Variants in DSE observed in about 807,000 individuals in gnomAD.
DSE encodes dermatan sulfate epimerase, also known as dermatan-sulfate epimerase.
DSE carries 36 observed loss-of-function variants against 84.4 expected under a neutral mutation model. The ratio of observed to expected loss-of-function variants is 0.43; its 90% CI spans 0.33 to 0.56. DSE has a LOEUF of 0.56. Ranked by LOEUF, DSE falls within the 20% of genes least tolerant of loss-of-function variation. The probability of loss-of-function intolerance (pLI) is 0.06; values close to 1 mark genes in which losing one functional copy is unlikely to be tolerated. For synonymous variants in DSE, 410 were observed against 430.1 expected (o/e 0.95, Z 0.58); for missense variants, 862 against 1,169.6 (o/e 0.74, Z 3.84).
At chr6:116,415,265 G>A (rs1391393864) in intron 2 of DSE, among the ~76,000 whole-genome samples, 2 of 152,162 alleles carry the variant, frequency 1.3e-5, no homozygotes, top group Admixed American at 1.3e-4. Context: ...TGGAGTCATT[G>A]TTTTATTGTA....
At chr6:116,347,769 G>A (rs1341799734) in intron 2 of DSE, among the ~76,000 whole-genome samples, 1 of 151,516 alleles carries the variant, frequency 6.6e-6, no homozygotes, top group Admixed American at 6.6e-5. Context: ...AAAAGCAATG[G>A]CAACAAAAGC....
intron 2 of DSE, among the ~76,000 whole-genome samples, chr6:116,305,585 G>A (rs1775295776): frequency 6.6e-6 from 1 of 152,124 alleles, no homozygotes; most frequent in South Asian, 2.1e-4. Flanking sequence ...TATTACATCA[G>A]TGTTAATGTC....
At chr6:116,279,888 G>T (rs988996935) in intron 2 of DSE, 2 of 1,611,338 alleles carry the variant, frequency 1.2e-6, no homozygotes, top group Admixed American at 1.7e-5. Flanking sequence ...AGGCCGAACT[G>T]GGAGCTAACC....
intron 1 of DSE, among the ~76,000 whole-genome samples, chr6:116,387,491 T>G (rs902008106): frequency 1.3e-5 from 2 of 151,794 alleles, no homozygotes; most frequent in African/African-American, 4.8e-5. Context: ...GAGGTGGGAG[T>G]GAGCAAATGA....
chr6:116,285,946 A>G (rs1265808915), intron 2 of DSE, among the ~76,000 whole-genome samples: 1 of 152,144 alleles, frequency 6.6e-6, no homozygotes, highest in Admixed American at 6.5e-5. Flanking sequence ...GTTTGAAGTC[A>G]GGTAGTGTGA....
Position 116,410,733 on chromosome 6 carries a change from C to CAAAAAAAAAAA in DSE, c.416+11090_416+11100dup, listed in dbSNP as rs765969508. Among the ~76,000 whole-genome samples, 39 of 79,594 alleles carry CAAAAAAAAAAA rather than the reference C, an allele frequency of 4.9e-4. 1 individual carries two copies. The highest frequency in any genetic ancestry group is 8.3e-4 in the African/African-American group (14 of 16,914). 52.2% of individuals were successfully genotyped at this position (79,594 alleles called of 152,430 possible). On this transcript the variant is annotated intron_variant, in intron 2 of 5. Transcript: ENST00000644252. ...TGGGCGACAGAGCGAGACTCTGTCT[C>CAAAAAAAAAAA]AAAAAAAAAAAAAAAAAAAAAAAAA...
At chr6:116,425,682 G>A (rs532524264) in intron 2 of DSE, among the ~76,000 whole-genome samples, 2 of 148,112 alleles carry the variant, frequency 1.4e-5, no homozygotes, top group South Asian at 4.2e-4. Flanking sequence ...GAGTGCAGTG[G>A]CGCGATCTCG....
At chr6:116,386,247 G>A (rs1780571296) in intron 1 of DSE, among the ~76,000 whole-genome samples, 1 of 152,198 alleles carries the variant, frequency 6.6e-6, no homozygotes, top group African/African-American at 2.4e-5. Context: ...ATGGGACAAA[G>A]TATTATGGCA....
intron 2 of DSE, among the ~76,000 whole-genome samples, chr6:116,426,203 A>T (rs1053602007): frequency 3.9e-5 from 6 of 152,232 alleles, no homozygotes; most frequent in Admixed American, 3.9e-4. Flanking sequence ...TATTCAAGTG[A>T]AAAGGAGGAG....
At chr6:116,363,374 G>T (rs1427773366) in intron 2 of DSE, among the ~76,000 whole-genome samples, 1 of 148,194 alleles carries the variant, frequency 6.7e-6, no homozygotes, top group Non-Finnish European at 1.5e-5. Flanking sequence ...ACATGTGTGT[G>T]CTTTGTGTGT....
At chr6:116,334,875 A>G (rs1031163603) in intron 2 of DSE, among the ~76,000 whole-genome samples, 4 of 152,336 alleles carry the variant, frequency 2.6e-5, no homozygotes, top group African/African-American at 9.6e-5. Flanking sequence ...TGGCTATTAA[A>G]AAGTCAAAAT....
intron 2 of DSE, among the ~76,000 whole-genome samples, chr6:116,349,741 A>T (rs1305135748): frequency 1.3e-5 from 2 of 152,156 alleles, no homozygotes; most frequent in Non-Finnish European, 2.9e-5. Flanking sequence ...TACTGAAGTG[A>T]GGAGGAAGGG....
rs148685241 is a variant in DSE, at chr6:116,397,818, A to G, written c.-53-1380A>G. On this transcript the variant is annotated intron_variant, in intron 1 of 5. Transcript: ENST00000644252. Reference sequence around the variant, plus strand: ...TGTTGAAATAAATGTAAAATGTTTTACAAAACCAAAACCACTGCCATCGAG... The same window carrying G: ...TGTTGAAATAAATGTAAAATGTTTTGCAAAACCAAAACCACTGCCATCGAG... 3.9e-5 allele frequency among the ~76,000 whole-genome samples: 6 copies of G among 152,354 alleles called. No homozygotes were observed. The East Asian group carries it at 1.2e-3, about 29-fold the overall frequency.
At chr6:116,409,411 C>G (rs576301391) in intron 2 of DSE, among the ~76,000 whole-genome samples, 4 of 152,076 alleles carry the variant, frequency 2.6e-5, no homozygotes, top group East Asian at 1.9e-4. Context: ...CGAGTAGGCT[C>G]GGACTACAGG....
At chr6:116,419,113 G>C (rs1782912345) in intron 2 of DSE, among the ~76,000 whole-genome samples, 1 of 152,078 alleles carries the variant, frequency 6.6e-6, no homozygotes, top group Admixed American at 6.6e-5. Context: ...ATTCCCCTTG[G>C]ACTGCTGACT....
chr6:116,258,098 A>C (rs1404552588), intron 1 of DSE, among the ~76,000 whole-genome samples: 2 of 152,134 alleles, frequency 1.3e-5, no homozygotes, highest in Non-Finnish European at 2.9e-5. Context: ...GGCTCACTGC[A>C]ACCTCCACCT....
At chr6:116,359,359 A>G (rs1778757845) in intron 2 of DSE, among the ~76,000 whole-genome samples, 1 of 152,104 alleles carries the variant, frequency 6.6e-6, no homozygotes, top group South Asian at 2.1e-4. Context: ...TCCTCCTTCT[A>G]AACCTCCATA....
intron 2 of DSE, among the ~76,000 whole-genome samples, chr6:116,292,142 G>A (rs1380402244): frequency 6.6e-6 from 1 of 152,110 alleles, no homozygotes; most frequent in Non-Finnish European, 1.5e-5. Flanking sequence ...CAGAGTGGAC[G>A]AGAACACCAG....
intron 1 of DSE, chr6:116,254,355 C>G: frequency 7.6e-6 from 4 of 525,602 alleles, no homozygotes; most frequent in Admixed American, 6.8e-5. Context: ...GGCACCTAAC[C>G]TATTGTTTCT....
Sources: allele counts gnomAD v4.1 joint callset (sites outside exome capture counted in the v4.1 genomes callset), GRCh38; gene constraint gnomAD v4.1.1; transcripts MANE v1.5; gene names NCBI Gene and HGNC (gene_info 2026-07-23, HGNC 2026-07-21).